SLC35E1: variants seen among roughly 807,000 people sequenced by gnomAD.
The protein encoded by SLC35E1 is solute carrier family 35, member E1.
In SLC35E1, 12 loss-of-function variants were observed where a neutral mutation model predicts 31.0. That is an observed-to-expected ratio of 0.39 (90% CI 0.25 to 0.63). The LOEUF (loss-of-function observed/expected upper bound fraction) is 0.63. Ranked by LOEUF, SLC35E1 falls within the 20% of genes least tolerant of loss-of-function variation. The probability of loss-of-function intolerance (pLI) is 0.52; values close to 1 mark genes in which losing one functional copy is unlikely to be tolerated. For synonymous variants in SLC35E1, 257 were observed against 264.1 expected (o/e 0.97, Z 0.26); for missense variants, 429 against 572.2 (o/e 0.75, Z 2.55).
At position 16,572,103 on chromosome 19, in the gene SLC35E1, C is replaced by T. The variant is rs2085962821; in HGVS notation, c.262G>A (p.Val88Ile). Reference sequence around the variant, plus strand: ...TGCGGACTGGGTCCGGGGCCCGAGACGGGCGGCGCGGGGGGCACGCGCCAG... The same window carrying T: ...TGCGGACTGGGTCCGGGGCCCGAGATGGGCGGCGCGGGGGGCACGCGCCAG... ...RAWRVPPAPP[V>I]SGPGPSPHPS... Residue 88 changes from valine to isoleucine, a missense_variant, in exon 1 of 6, where the codon GTC becomes ATC. By Grantham distance (29) the Val-to-Ile change is conservative (BLOSUM62 3). Coordinates refer to ENST00000595753, the MANE Select transcript of SLC35E1 (RefSeq NM_024881.5). The surrounding 1 kb of genome is among the most constrained non-coding windows in gnomAD (Gnocchi z 4.1). 4.0e-6 allele frequency: 6 copies of T among 1,513,358 alleles called. No individual in the cohort carries two copies. The East Asian group carries it at 1.7e-4, about 42-fold the overall frequency. 93.7% of individuals were successfully genotyped at this position (1,513,358 alleles called of 1,614,324 possible).
chr19:16,559,501 G>C lies in SLC35E1; in HGVS notation c.757-4104C>G, dbSNP rs549671347. 9.3e-3 allele frequency among the ~76,000 whole-genome samples: 953 copies of C among 102,856 alleles called. 12 individuals carry two copies. Among genetic ancestry groups the C allele is most frequent in the African/African-American group, 0.048 (863 of 18,112 alleles). The allele number at this position is 102,856 out of a possible 152,430, so 67.5% of individuals were successfully genotyped here. A position where few individuals can be genotyped will look rare whatever the true frequency, so the allele number is the denominator to read the frequency against. On this transcript the variant is annotated intron_variant, in intron 4 of 5. Transcript: ENST00000595753. ...ACACACACACACACACACACACACAGAGTTAACCAGATATGCTGGTGTGAA... is the reference window on the plus strand; with the variant it reads ...ACACACACACACACACACACACACACAGTTAACCAGATATGCTGGTGTGAA...
exon 1 of SLC35E1, chr19:16,572,411 CGGGCGGGGGCGGGGCT>C (rs1004090060): frequency 1.3e-5 from 13 of 973,868 alleles, no homozygotes; most frequent in Admixed American, 6.2e-5. The surrounding 1 kb of genome is among the most constrained non-coding windows in gnomAD (Gnocchi z 4.1). Flanking sequence ...GGCCCGACGC[CGGGCGGGGGCGGGGCT>C]GGGCGGGGGG....
chr19:16,567,960 T>TC (rs1286926833), intron 3 of SLC35E1, 72 bp downstream of exon 3: 19 of 1,469,804 alleles, frequency 1.3e-5, no homozygotes, highest in Middle Eastern at 2.3e-4. Context: ...CCGCCTGTTT[T>TC]CCCAATGCCA....
At chr19:16,568,263 A>G in intron 2 of SLC35E1, 94 bp from the exon 3 acceptor site, 1 of 1,431,782 alleles carries the variant, frequency 7.0e-7, no homozygotes, top group Non-Finnish European at 9.3e-7. Flanking sequence ...CTCCTCCCTC[A>G]GCAAAGGGAT....
intron 4 of SLC35E1, among the ~76,000 whole-genome samples, chr19:16,558,231 A>G (rs2085885853): frequency 2.0e-5 from 3 of 151,702 alleles, no homozygotes; most frequent in Admixed American, 6.6e-5. Context: ...TTTAGTAGAG[A>G]TGGGGTTTCA....
chr19:16,572,389 A>G lies in SLC35E1; in HGVS notation c.-25T>C. The G allele has an allele frequency of 2.0e-6, 2 of 993,584 alleles. No individual in the cohort carries two copies. Among genetic ancestry groups the G allele is most frequent in the South Asian group, 9.0e-5 (2 of 22,132 alleles). The allele number at this position is 993,584 out of a possible 1,614,324, so 61.5% of individuals were successfully genotyped here. On this transcript the variant is annotated 5_prime_UTR_variant, in exon 1 of 6. Coordinates refer to ENST00000595753, the MANE Select transcript of SLC35E1 (RefSeq NM_024881.5). The surrounding 1 kb of genome is among the most constrained non-coding windows in gnomAD (Gnocchi z 4.1). Reference sequence around the variant, plus strand: ...TCCTGCCCGAGCGGCCGCCCCTTCCAGCCCGTCCGACGGCCCGACGCCGGG... The same window carrying G: ...TCCTGCCCGAGCGGCCGCCCCTTCCGGCCCGTCCGACGGCCCGACGCCGGG...
intron 2 of SLC35E1, among the ~76,000 whole-genome samples, chr19:16,571,093 C>T (rs2085955509): frequency 7.0e-6 from 1 of 141,952 alleles, no homozygotes; most frequent in South Asian, 2.2e-4. Context: ...AAAACTCCGT[C>T]TCAAAAAAAA....
chr19:16,553,687 C>A lies in SLC35E1; in HGVS notation c.1225G>T (p.Asp409Tyr). 6.4e-7 allele frequency: 1 copy of A among 1,559,508 alleles called. No homozygotes were observed. The highest frequency in any genetic ancestry group is 8.7e-7 in the Non-Finnish European group (1 of 1,147,474). The change falls in exon 6 of 6, where the codon GAT becomes TAT. Residue 409 changes from aspartate (D) to tyrosine (Y), a missense_variant. Transcript: ENST00000595753. ...GTCCTGTCCTTTGGACTCTACACAT[C>A]ATAGCGGTTCAAACTGTACGAGTTT... is the stretch of plus-strand genomic sequence containing the variant. Reference protein sequence around the residue: ...YPNSYSLNRYDV With the variant: ...YPNSYSLNRYYV
rs1205489962 is a variant in SLC35E1 at position 16,555,147 on chromosome 19, C to T, written c.1002+5G>A. 2 of 1,613,948 alleles carry T rather than the reference C, an allele frequency of 1.2e-6. No homozygotes were observed. The highest frequency in any genetic ancestry group is 1.7e-6 in the Non-Finnish European group (2 of 1,180,028). ...CCTTCCCTGCCCAGCCTCTCAGACT[C>T]TCACCTTGTTATAGAGGAAGACCCC... On this transcript the variant is annotated splice_donor_5th_base_variant and intron_variant, in intron 5 of 5. Coordinates refer to ENST00000595753, the MANE Select transcript of SLC35E1 (RefSeq NM_024881.5). This position sits in a 1 kb window ranked among gnomAD's most constrained non-coding sequence, Gnocchi z 4.1.
intron 3 of SLC35E1, 48 bp downstream of exon 3, chr19:16,567,984 C>T (rs200612269): frequency 9.9e-4 from 1,472 of 1,490,102 alleles, no homozygotes; most frequent in Non-Finnish European, 1.2e-3. Context: ...GTTTGCTGCC[C>T]GCACACCCCT....
chr19:16,570,270 C>A (rs573781636), intron 2 of SLC35E1, among the ~76,000 whole-genome samples: 1 of 152,324 alleles, frequency 6.6e-6, no homozygotes, highest in South Asian at 2.1e-4. Flanking sequence ...AGCCAAGTCA[C>A]AGCCTGACAT....
chr19:16,559,643 C>T (rs997010670), intron 4 of SLC35E1, among the ~76,000 whole-genome samples: 1 of 152,126 alleles, frequency 6.6e-6, no homozygotes, highest in Non-Finnish European at 1.5e-5. Flanking sequence ...CAGAATGAGA[C>T]CCTCTCTCAA....
intron 4 of SLC35E1, chr19:16,556,776 C>G (rs1007043377): frequency 2.2e-6 from 1 of 448,478 alleles, no homozygotes; most frequent in African/African-American, 2.0e-5. Flanking sequence ...CCTGCTGGAG[C>G]TGCAGGATGT....
chr19:16,557,349 G>GC (rs1855903831), intron 4 of SLC35E1, among the ~76,000 whole-genome samples: 1 of 151,408 alleles, frequency 6.6e-6, no homozygotes, highest in Non-Finnish European at 1.5e-5. Flanking sequence ...GCCCGCCACC[G>GC]CGCCCGGCTA....
Position 16,555,001 on chromosome 19 carries a change from G to T in SLC35E1, c.1002+151C>A. 1 of 1,163,720 alleles carries T rather than the reference G, an allele frequency of 8.6e-7. No individual in the cohort carries two copies. Among genetic ancestry groups the T allele is most frequent in the Non-Finnish European group, 1.2e-6 (1 of 848,550 alleles). 72.1% of individuals were successfully genotyped at this position (1,163,720 alleles called of 1,614,324 possible). A position where few individuals can be genotyped will look rare whatever the true frequency, so the allele number is the denominator to read the frequency against. Reference sequence around the variant, plus strand: ...TATGCAGGAAAAAGGAAGCCAGAGTGGGATGGGGCTACGCCAAGATCATAA... The same window carrying T: ...TATGCAGGAAAAAGGAAGCCAGAGTTGGATGGGGCTACGCCAAGATCATAA... On this transcript the variant is annotated intron_variant, in intron 5 of 5. Coordinates refer to ENST00000595753, the MANE Select transcript of SLC35E1 (RefSeq NM_024881.5). This position sits in a 1 kb window ranked among gnomAD's most constrained non-coding sequence, Gnocchi z 4.1.
intron 4 of SLC35E1, chr19:16,565,215 CTT>C (rs1000361243): frequency 6.5e-4 from 231 of 354,206 alleles, no homozygotes; most frequent in Admixed American, 9.0e-4. Context: ...TTCTTTCTTT[CTT>C]TTTTTTTTTT....
chr19:16,567,486 G>A (rs989838429), intron 3 of SLC35E1, among the ~76,000 whole-genome samples: 1 of 152,220 alleles, frequency 6.6e-6, no homozygotes, highest in Non-Finnish European at 1.5e-5. Context: ...CAGCCTGGGC[G>A]ACAGTGAGCC....
intron 3 of SLC35E1, among the ~76,000 whole-genome samples, chr19:16,566,878 A>G (rs1307252995): frequency 1.3e-5 from 2 of 152,224 alleles, no homozygotes; most frequent in African/African-American, 4.8e-5. Flanking sequence ...AAAATAAAAC[A>G]GTAACACTCA....
At position 16,553,609 on chromosome 19, in the gene SLC35E1, C is replaced by G. The variant is rs1193828718; in HGVS notation, c.*70G>C. ...GCTGGGTTGTACATTCACTGATTGT[C>G]AGAAGTTTCTGATACTGCTGTGGGG... is the stretch of plus-strand genomic sequence containing the variant. On this transcript the variant is annotated 3_prime_UTR_variant, in exon 6 of 6. Transcript: ENST00000595753. 1 of 1,342,768 alleles carries G rather than the reference C, an allele frequency of 7.4e-7. No individual in the cohort carries two copies. The highest frequency in any genetic ancestry group is 1.0e-6 in the Non-Finnish European group (1 of 1,002,930). 83.2% of individuals were successfully genotyped at this position (1,342,768 alleles called of 1,614,324 possible).
Sources: allele counts gnomAD v4.1 joint callset (sites outside exome capture counted in the v4.1 genomes callset), GRCh38; gene constraint gnomAD v4.1.1; non-coding constraint Gnocchi (gnomAD v3.1); transcripts MANE v1.5; gene names NCBI Gene and HGNC (gene_info 2026-07-23, HGNC 2026-07-21).